The following STK32B variants were observed in gnomAD, a reference collection of about 807,000 sequenced individuals.
STK32B encodes serine/threonine-protein kinase 32B.
In STK32B, 43 loss-of-function variants were observed where a neutral mutation model predicts 52.6. The ratio of observed to expected loss-of-function variants is 0.82; its 90% CI spans 0.64 to 1.05. The LOEUF (loss-of-function observed/expected upper bound fraction) is 1.05, where lower values mean the gene tolerates loss of function less well. Among genes scored for constraint, STK32B ranks in the 50% least tolerant of loss-of-function variants. STK32B has a pLI of 0.00. For synonymous variants in STK32B, 238 were observed against 204.3 expected (o/e 1.17, Z -1.41); for missense variants, 621 against 534.6 (o/e 1.16, Z -1.59).
At position 5,299,025 on chromosome 4, in the gene STK32B, A is replaced by G. The variant is rs185567777; in HGVS notation, c.261-32195A>G. On this transcript the variant is annotated intron_variant, in intron 3 of 11. Transcript: ENST00000282908. ...ACTGTCGCTCACGGCACAGTCCCTC[A>G]TGGCTTCCCTTGGCTAGGGGAGGGA... is the stretch of plus-strand genomic sequence containing the variant. 6.3e-3 allele frequency among the ~76,000 whole-genome samples: 958 copies of G among 151,850 alleles called. 18 individuals are homozygous for G. The highest frequency in any genetic ancestry group is 0.017 in the Middle Eastern group (5 of 294).
chr4:5,374,786 G>C (rs908534885), intron 4 of STK32B, among the ~76,000 whole-genome samples: 1 of 148,188 alleles, frequency 6.7e-6, no homozygotes, highest in African/African-American at 2.6e-5. Context: ...GGGCGGGGGG[G>C]GAACACCAAC....
chr4:5,206,626 G>A (rs1722593037), intron 3 of STK32B, among the ~76,000 whole-genome samples: 1 of 152,126 alleles, frequency 6.6e-6, no homozygotes, highest in Non-Finnish European at 1.5e-5. Flanking sequence ...CGAATGATGA[G>A]TCATGCACAC....
intron 4 of STK32B, among the ~76,000 whole-genome samples, chr4:5,373,389 A>T (rs1267960838): frequency 6.6e-6 from 1 of 151,936 alleles, no homozygotes; most frequent in East Asian, 1.9e-4. Context: ...CCCAAGAGAA[A>T]CCCCCATGTT....
intron 3 of STK32B, among the ~76,000 whole-genome samples, chr4:5,175,335 A>G (rs771863985): frequency 1.3e-5 from 2 of 151,812 alleles, no homozygotes; most frequent in Admixed American, 6.6e-5. Context: ...GCTTTGTTCC[A>G]TTGCTGGTGA....
chr4:5,259,139 C>T (rs1726534531), intron 3 of STK32B, among the ~76,000 whole-genome samples: 1 of 152,180 alleles, frequency 6.6e-6, no homozygotes, highest in Admixed American at 6.5e-5. Context: ...AAAATTGCCA[C>T]CCTCAAAAAT....
chr4:5,461,510 C>A (rs904448101), intron 9 of STK32B, among the ~76,000 whole-genome samples: 2 of 152,208 alleles, frequency 1.3e-5, no homozygotes, highest in African/African-American at 4.8e-5. Context: ...CGCACACGCA[C>A]GTTTCTGAAC....
At chr4:5,157,599 T>C (rs1011929074) in intron 2 of STK32B, among the ~76,000 whole-genome samples, 1 of 152,140 alleles carries the variant, frequency 6.6e-6, no homozygotes, top group African/African-American at 2.4e-5. Flanking sequence ...GAGCACCAGA[T>C]GCAAAGGTCC....
intron 11 of STK32B, among the ~76,000 whole-genome samples, chr4:5,489,033 A>C (rs574249184): frequency 4.6e-5 from 7 of 151,826 alleles, no homozygotes; most frequent in Non-Finnish European, 8.8e-5. Flanking sequence ...TCTAGGACTC[A>C]AGATCTTTAA....
chr4:5,466,388 T>C (rs1717436266), intron 9 of STK32B, among the ~76,000 whole-genome samples: 1 of 152,098 alleles, frequency 6.6e-6, no homozygotes, highest in Non-Finnish European at 1.5e-5. Flanking sequence ...GATAAAATAA[T>C]AAGTGAAAAA....
chr4:5,382,156 A>C (rs191601607), intron 4 of STK32B, among the ~76,000 whole-genome samples: 1 of 152,262 alleles, frequency 6.6e-6, no homozygotes, highest in African/African-American at 2.4e-5. Flanking sequence ...CTTAAATGTT[A>C]ATCTTACCCA....
intron 3 of STK32B, among the ~76,000 whole-genome samples, chr4:5,259,332 T>C (rs185310460): frequency 1.3e-5 from 2 of 152,334 alleles, no homozygotes; most frequent in Admixed American, 1.3e-4. Flanking sequence ...TGGCACACAT[T>C]AGGTGCTCAG....
chr4:5,244,467 T>C (rs1264608626), intron 3 of STK32B, among the ~76,000 whole-genome samples: 1 of 152,230 alleles, frequency 6.6e-6, no homozygotes, highest in African/African-American at 2.4e-5. Context: ...TCTTCTCTCT[T>C]TTCTTCTTTA....
chr4:5,179,598 AATAG>A (rs1285266921), intron 3 of STK32B, among the ~76,000 whole-genome samples: 1 of 152,166 alleles, frequency 6.6e-6, no homozygotes, highest in African/African-American at 2.4e-5. Context: ...ATGATAGATA[AATAG>A]ATGATTGATA....
chr4:5,244,704 G>A (rs1465917898), intron 3 of STK32B, among the ~76,000 whole-genome samples: 1 of 152,044 alleles, frequency 6.6e-6, no homozygotes, highest in Non-Finnish European at 1.5e-5. Context: ...GCTTTCTCTT[G>A]TGGGCATTTA....
At chr4:5,198,807 A>C (rs994435741) in intron 3 of STK32B, among the ~76,000 whole-genome samples, 5 of 152,084 alleles carry the variant, frequency 3.3e-5, no homozygotes, top group African/African-American at 1.2e-4. Flanking sequence ...TCCTCATGTC[A>C]CATTTCGGTG....
chr4:5,391,443 A>T (rs144581093), intron 4 of STK32B, among the ~76,000 whole-genome samples: 415 of 148,924 alleles, frequency 2.8e-3, no homozygotes, highest in African/African-American at 9.9e-3. Context: ...AGTATTTCTA[A>T]ATAAGATCAC....
intron 4 of STK32B, among the ~76,000 whole-genome samples, chr4:5,384,319 G>C (rs1736110316): frequency 6.6e-6 from 1 of 152,224 alleles, no homozygotes; most frequent in African/African-American, 2.4e-5. Context: ...AAAATGCTCT[G>C]CAGGTAGAAG....
At chr4:5,468,791 G>A (rs373979747) in intron 11 of STK32B, among the ~76,000 whole-genome samples, 10 of 152,054 alleles carry the variant, frequency 6.6e-5, no homozygotes, top group South Asian at 6.2e-4. Context: ...GGCCGGGCGC[G>A]GTGGCTCACA....
chr4:5,138,879 A>G (rs748134340), intron 1 of STK32B, among the ~76,000 whole-genome samples: 1 of 152,126 alleles, frequency 6.6e-6, no homozygotes, highest in African/African-American at 2.4e-5. Context: ...TCAGTAGGTG[A>G]TGGGAGTGAG....
Sources: gnomAD v4.1 joint callset for allele counts (sites outside exome capture counted in the v4.1 genomes callset) on GRCh38, gnomAD v4.1.1 for gene constraint, MANE v1.5 for transcripts, NCBI Gene and HGNC (gene_info 2026-07-23, HGNC 2026-07-21) for gene names.